Variants in LDB2 observed in about 807,000 individuals in gnomAD.
LDB2 encodes LIM domain-binding protein 2.
In LDB2, 12 loss-of-function variants were observed where a neutral mutation model predicts 44.3. The observed-to-expected ratio is 0.27, with a 90% CI of 0.17 to 0.44. The LOEUF (loss-of-function observed/expected upper bound fraction) is 0.44. LDB2 is among the 20% of genes least tolerant of loss of function. The pLI, the probability that LDB2 is intolerant of heterozygous loss-of-function variation, is 1.00. For synonymous variants in LDB2, 164 were observed against 174.8 expected (o/e 0.94, Z 0.49); for missense variants, 344 against 473.5 (o/e 0.73, Z 2.54).
rs554725557 is a variant in LDB2 at position 16,670,797 on chromosome 4, C to T, written c.236-74922G>A. On this transcript the variant is annotated intron_variant, in intron 2 of 7. Transcript: ENST00000304523. Reference sequence around the variant, plus strand: ...TGGTTGAATTAGTTAAAATATATGTCGCTCATAAGAGAAGGCTTGACATGT... The same window carrying T: ...TGGTTGAATTAGTTAAAATATATGTTGCTCATAAGAGAAGGCTTGACATGT... Among the ~76,000 whole-genome samples, 159 of 152,236 alleles carry T rather than the reference C, an allele frequency of 1.0e-3. 1 individual carries two copies. Among genetic ancestry groups the T allele is most frequent in the Non-Finnish European group, 1.8e-3 (122 of 68,016 alleles).
At chr4:16,640,943 C>A (rs1425546452) in intron 2 of LDB2, among the ~76,000 whole-genome samples, 7 of 152,124 alleles carry the variant, frequency 4.6e-5, no homozygotes, top group East Asian at 1.9e-4. Flanking sequence ...TAAATTGAGT[C>A]AAATTTCACT....
intron 2 of LDB2, among the ~76,000 whole-genome samples, chr4:16,693,276 C>T (rs1017883351): frequency 7.9e-5 from 12 of 151,168 alleles, no homozygotes; most frequent in African/African-American, 2.9e-4. Flanking sequence ...AGGCAACTGT[C>T]ATAGTCTCAG....
At chr4:16,725,779 A>G (rs1759302574) in intron 2 of LDB2, among the ~76,000 whole-genome samples, 1 of 152,006 alleles carries the variant, frequency 6.6e-6, no homozygotes, top group Non-Finnish European at 1.5e-5. Context: ...TACCAAAAGC[A>G]AGTGACAGTG....
chr4:16,679,191 A>C lies in LDB2; in HGVS notation c.235+79967T>G, dbSNP rs751823344. ...TGCAAGAACTAAAGGATAGTGTATAAAAATAAAACAATTTTATCAGAGTGA... is the reference window on the plus strand; with the variant it reads ...TGCAAGAACTAAAGGATAGTGTATACAAATAAAACAATTTTATCAGAGTGA... On this transcript the variant is annotated intron_variant, in intron 2 of 7. Transcript: ENST00000304523. Among the ~76,000 whole-genome samples, 6 of 152,204 alleles carry C rather than the reference A, an allele frequency of 3.9e-5. No homozygotes were observed. The East Asian group carries it at 5.8e-4, about 15-fold the overall frequency.
intron 1 of LDB2, among the ~76,000 whole-genome samples, chr4:16,847,400 T>C (rs1184683988): frequency 1.3e-5 from 2 of 152,226 alleles, no homozygotes; most frequent in Non-Finnish European, 2.9e-5. Flanking sequence ...TTTTAGGAAA[T>C]GTCCAAACTC....
At position 16,715,766 on chromosome 4, in the gene LDB2, T is replaced by C. The variant is rs530130446; in HGVS notation, c.235+43392A>G. Among the ~76,000 whole-genome samples, 7 of 152,254 alleles carry C rather than the reference T, an allele frequency of 4.6e-5. No individual in the cohort carries two copies. In the South Asian group the frequency reaches 8.3e-4, roughly 18 times the overall value. ...AGAGGATCTCCTCAACTTAATTTTTTTGGTGTATGGGGAAGTCACTAGTAT... is the reference window on the plus strand; with the variant it reads ...AGAGGATCTCCTCAACTTAATTTTTCTGGTGTATGGGGAAGTCACTAGTAT... On this transcript the variant is annotated intron_variant, in intron 2 of 7. Coordinates refer to ENST00000304523, the MANE Select transcript of LDB2 (RefSeq NM_001290.5).
At chr4:16,507,862 T>G (rs1720151963) in intron 7 of LDB2, among the ~76,000 whole-genome samples, 1 of 152,160 alleles carries the variant, frequency 6.6e-6, no homozygotes, top group Admixed American at 6.5e-5. Context: ...TCCTGTGCAG[T>G]TTTCACTATA....
intron 1 of LDB2, among the ~76,000 whole-genome samples, chr4:16,816,407 C>CTTTTTTTTT (rs1171864969): frequency 5.8e-5 from 7 of 121,002 alleles, no homozygotes; most frequent in South Asian, 2.7e-4. Flanking sequence ...CTTTTTCTTT[C>CTTTTTTTTT]TTTTTTTTTT....
Position 16,501,686 on chromosome 4 carries a change from T to C in LDB2, c.*957A>G, listed in dbSNP as rs1717567847. On this transcript the variant is annotated 3_prime_UTR_variant, in exon 8 of 8. Transcript: ENST00000304523. ...GCAAATGGAAAAATTAATTCTCTTA[T>C]AAAGTTTCACATAAATACACTGGAG... 6.6e-6 allele frequency: 1 copy of C among 152,646 alleles called. No homozygotes were observed. The allele number at this position is 152,646 out of a possible 1,614,324, so 9.5% of individuals were successfully genotyped here.
In LDB2 at chr4:16,788,817, G is replaced by A. The variant is rs555756219; in HGVS notation, c.133-29557C>T. Among the ~76,000 whole-genome samples the A allele has an allele frequency of 1.0e-3, 159 of 152,304 alleles. 1 individual carries two copies. Among genetic ancestry groups the A allele is most frequent in the African/African-American group, 3.6e-3 (148 of 41,578 alleles). ...AACTTTATAAGATGGGTGTTACCCT[G>A]CCTCCTTATACTCCTGGAAGCAAAA... On this transcript the variant is annotated intron_variant, in intron 1 of 7. Transcript: ENST00000304523.
chr4:16,833,763 G>A lies in LDB2; in HGVS notation c.132+64591C>T, dbSNP rs574687689. Among the ~76,000 whole-genome samples the A allele has an allele frequency of 2.6e-5, 4 of 152,174 alleles. No homozygotes were observed. The East Asian group carries it at 5.8e-4, about 22-fold the overall frequency. On this transcript the variant is annotated intron_variant, in intron 1 of 7. Transcript: ENST00000304523. ...TCAGCATGTTGTCCAGGATGGTCTC[G>A]ATCTCTTGACCTTGTGATCCACCCG... is the stretch of plus-strand genomic sequence containing the variant.
chr4:16,567,865 A>G (rs1258493193), intron 5 of LDB2, among the ~76,000 whole-genome samples: 1 of 152,136 alleles, frequency 6.6e-6, no homozygotes, highest in Non-Finnish European at 1.5e-5. Flanking sequence ...ACTTTTTTTT[A>G]ACAAAATGAG....
intron 2 of LDB2, among the ~76,000 whole-genome samples, chr4:16,607,662 G>GTTTTATGGGAGA (rs1210202996): frequency 6.6e-6 from 1 of 152,094 alleles, no homozygotes; most frequent in Non-Finnish European, 1.5e-5. Context: ...ATAATACCCT[G>GTTTTATGGGAGA]TTTATGCACA....
At chr4:16,503,138 A>G in intron 7 of LDB2, 1 of 1,535,758 alleles carries the variant, frequency 6.5e-7, no homozygotes, top group Non-Finnish European at 8.7e-7. Flanking sequence ...CAATCTGCAG[A>G]AATAAAAAAA....
At chr4:16,535,887 G>A (rs16893606) in intron 5 of LDB2, among the ~76,000 whole-genome samples, 18,378 of 152,150 alleles carry the variant, frequency 0.12, 1,302 homozygotes, top group East Asian at 0.25. Flanking sequence ...AGAACTGGGA[G>A]TTGAACTTGT....
At chr4:16,683,038 A>G (rs1259928733) in intron 2 of LDB2, among the ~76,000 whole-genome samples, 1 of 152,238 alleles carries the variant, frequency 6.6e-6, no homozygotes, top group Admixed American at 6.5e-5. Flanking sequence ...GCACTAATGC[A>G]GTTTTTCAGC....
rs190353311 is a variant in LDB2, at chr4:16,897,926, A to G, written c.132+428T>C. Among the ~76,000 whole-genome samples the G allele has an allele frequency of 3.6e-3, 62 of 17,380 alleles. 2 individuals are homozygous for G. Among genetic ancestry groups the G allele is most frequent in the African/African-American group, 0.024 (58 of 2,406 alleles). The allele number at this position is 17,380 out of a possible 152,430, so 11.4% of individuals were successfully genotyped here. ...TATATATATATATATATATATATAT[A>G]TATATATATATACACATATGTATAT... On this transcript the variant is annotated intron_variant, in intron 1 of 7. Coordinates refer to ENST00000304523, the MANE Select transcript of LDB2 (RefSeq NM_001290.5).
chr4:16,672,926 T>C (rs1240813082), intron 2 of LDB2, among the ~76,000 whole-genome samples: 1 of 151,292 alleles, frequency 6.6e-6, no homozygotes, highest in Non-Finnish European at 1.5e-5. Flanking sequence ...TTTCTCTTCC[T>C]TCTCGCTTCT....
intron 5 of LDB2, among the ~76,000 whole-genome samples, chr4:16,547,893 T>C (rs1736304144): frequency 6.6e-6 from 1 of 152,204 alleles, no homozygotes; most frequent in Non-Finnish European, 1.5e-5. Flanking sequence ...GTTTTCTTTA[T>C]TTTTAAATAA....
Sources: allele counts gnomAD v4.1 joint callset (sites outside exome capture counted in the v4.1 genomes callset), GRCh38; gene constraint gnomAD v4.1.1; transcripts MANE v1.5; gene names NCBI Gene and HGNC (gene_info 2026-07-23, HGNC 2026-07-21).